CACNA2D3: variants seen among roughly 807,000 people sequenced by gnomAD.
CACNA2D3 encodes the protein voltage-dependent calcium channel subunit alpha-2/delta-3.
Under a neutral mutation model 160.6 loss-of-function variants are expected in CACNA2D3, and 60 were observed. The ratio of observed to expected loss-of-function variants is 0.37; its 90% CI spans 0.30 to 0.46. CACNA2D3 has a LOEUF of 0.46. CACNA2D3 is among the 20% of genes least tolerant of loss of function. The pLI is 1.00. For synonymous variants in CACNA2D3, 558 were observed against 492.9 expected, an observed-to-expected ratio of 1.13 and a Z score of -1.75; for missense variants, 1,205 against 1,365.0, an observed-to-expected ratio of 0.88 and a Z score of 1.85.
At chr3:54,689,866 T>C (rs545006720) in intron 11 of CACNA2D3, among the ~76,000 whole-genome samples, 3 of 152,278 alleles carry the variant, frequency 2.0e-5, no homozygotes, top group East Asian at 1.9e-4. Context: ...TTAAAATGCA[T>C]GTTAGCTCAT....
chr3:54,769,934 G>A (rs990945460), intron 13 of CACNA2D3, among the ~76,000 whole-genome samples: 1 of 152,120 alleles, frequency 6.6e-6, no homozygotes, highest in South Asian at 2.1e-4. Context: ...CTGGGTCAGT[G>A]TCCCCAGAAA....
intron 8 of CACNA2D3, among the ~76,000 whole-genome samples, chr3:54,576,544 G>C (rs1702584926): frequency 6.6e-6 from 1 of 152,222 alleles, no homozygotes; most frequent in South Asian, 2.1e-4. Flanking sequence ...GGAAAGAAAA[G>C]GCATATGATG....
chr3:54,212,274 T>C (rs1356781081), intron 2 of CACNA2D3, among the ~76,000 whole-genome samples: 2 of 152,154 alleles, frequency 1.3e-5, no homozygotes, highest in African/African-American at 4.8e-5. Flanking sequence ...TCAATCAGTA[T>C]CTGTAAGGTG....
At chr3:54,365,118 T>C (rs554452791) in intron 3 of CACNA2D3, among the ~76,000 whole-genome samples, 1 of 152,364 alleles carries the variant, frequency 6.6e-6, no homozygotes, top group East Asian at 1.9e-4. Flanking sequence ...CAATTCACTT[T>C]GTTGAACCAT....
intron 2 of CACNA2D3, among the ~76,000 whole-genome samples, chr3:54,247,480 T>G (rs1206622360): frequency 6.6e-6 from 1 of 152,054 alleles, no homozygotes; most frequent in Non-Finnish European, 1.5e-5. Flanking sequence ...AAAAAATATT[T>G]TAGAAATAAA....
rs549457122 is a variant in CACNA2D3, at chr3:54,592,634, G to T, written c.963+10757G>T. 2.2e-4 allele frequency among the ~76,000 whole-genome samples: 34 copies of T among 151,956 alleles called. 1 individual carries two copies. Among genetic ancestry groups the T allele is most frequent in the African/African-American group, 8.0e-4 (33 of 41,462 alleles). On this transcript the variant is annotated intron_variant, in intron 9 of 37. Coordinates refer to ENST00000474759, the MANE Select transcript of CACNA2D3 (RefSeq NM_018398.3). ...GGGGAGTGTAGGGGAAGAGAGTGAGGAAGGAGAATGATATGATTTTTCTCT... is the reference window on the plus strand; with the variant it reads ...GGGGAGTGTAGGGGAAGAGAGTGAGTAAGGAGAATGATATGATTTTTCTCT...
At chr3:54,822,811 C>CTT (rs1328666117) in intron 14 of CACNA2D3, among the ~76,000 whole-genome samples, 3 of 108,390 alleles carry the variant, frequency 2.8e-5, no homozygotes, top group Admixed American at 9.8e-5. Context: ...TTCTTTCTTT[C>CTT]TTTCTTTCTT....
intron 27 of CACNA2D3, among the ~76,000 whole-genome samples, chr3:54,924,196 C>T (rs1700942187): frequency 6.6e-6 from 1 of 152,134 alleles, no homozygotes; most frequent in African/African-American, 2.4e-5. Flanking sequence ...TTACAGTTGT[C>T]AAATGGGTAG....
chr3:54,964,409 A>AT (rs35654800), intron 27 of CACNA2D3, among the ~76,000 whole-genome samples: 2,300 of 150,214 alleles, frequency 0.015, 58 homozygotes, highest in African/African-American at 0.053. Flanking sequence ...AGGAATGGTG[A>AT]TTTTTTTTTT....
At chr3:54,936,088 C>T (rs1028557463) in intron 27 of CACNA2D3, among the ~76,000 whole-genome samples, 1 of 151,676 alleles carries the variant, frequency 6.6e-6, no homozygotes, top group Non-Finnish European at 1.5e-5. Flanking sequence ...TCTTTAACTT[C>T]GTCATCTGTG....
chr3:54,313,855 C>T (rs1703801782), intron 2 of CACNA2D3, among the ~76,000 whole-genome samples: 1 of 150,474 alleles, frequency 6.6e-6, no homozygotes, highest in Non-Finnish European at 1.5e-5. Flanking sequence ...CTGTTTCCTT[C>T]TCAGAATATC....
chr3:54,216,031 C>T (rs1044318336), intron 2 of CACNA2D3, among the ~76,000 whole-genome samples: 4 of 152,046 alleles, frequency 2.6e-5, no homozygotes, highest in Non-Finnish European at 4.4e-5. Flanking sequence ...GTTGGTCCCC[C>T]GAATTAGGTG....
chr3:54,364,728 T>C (rs1323319019), intron 3 of CACNA2D3, among the ~76,000 whole-genome samples: 1 of 152,224 alleles, frequency 6.6e-6, no homozygotes, highest in East Asian at 1.9e-4. Context: ...TATTACAATA[T>C]AGACCATAAC....
rs73091653 is a variant in CACNA2D3, at chr3:54,487,467, T to C, written c.382-16025T>C. Among the ~76,000 whole-genome samples the C allele has an allele frequency of 5.5e-3, 840 of 152,342 alleles. 3 individuals are homozygous for C. Among genetic ancestry groups the C allele is most frequent in the Non-Finnish European group, 9.4e-3 (639 of 68,030 alleles). ...CTTACTGTCGCTTGGGGACAAGTCC[T>C]GGAGTGGAGACTTCTGCTCTTGGAT... On this transcript the variant is annotated intron_variant, in intron 4 of 37. Coordinates refer to ENST00000474759, the MANE Select transcript of CACNA2D3 (RefSeq NM_018398.3).
intron 13 of CACNA2D3, among the ~76,000 whole-genome samples, chr3:54,810,610 ATGT>A (rs1276615285): frequency 7.0e-4 from 107 of 152,352 alleles, no homozygotes; most frequent in African/African-American, 2.5e-3. Flanking sequence ...GAATAAAGAT[ATGT>A]AGGCCAGGCT....
At chr3:54,235,657 C>T (rs1701859809) in intron 2 of CACNA2D3, among the ~76,000 whole-genome samples, 1 of 152,316 alleles carries the variant, frequency 6.6e-6, no homozygotes, top group East Asian at 1.9e-4. Flanking sequence ...AGCTACAAAC[C>T]ATATCAGCTC....
At chr3:54,253,071 A>G (rs942070773) in intron 2 of CACNA2D3, among the ~76,000 whole-genome samples, 14 of 148,596 alleles carry the variant, frequency 9.4e-5, no homozygotes, top group Non-Finnish European at 1.9e-4. Flanking sequence ...GTCCTTTAAT[A>G]TTAAAGATTC....
chr3:54,899,330 A>G (rs1700272931), intron 26 of CACNA2D3, among the ~76,000 whole-genome samples: 1 of 152,246 alleles, frequency 6.6e-6, no homozygotes, highest in Non-Finnish European at 1.5e-5. Context: ...TTACAATTTT[A>G]TAGATCAGTA....
At chr3:54,620,815 G>A (rs1698969823) in intron 9 of CACNA2D3, among the ~76,000 whole-genome samples, 1 of 152,192 alleles carries the variant, frequency 6.6e-6, no homozygotes, top group South Asian at 2.1e-4. Context: ...GACCTTTCTA[G>A]TGTCCTCGGC....
Sources: allele counts gnomAD v4.1 joint callset (sites outside exome capture counted in the v4.1 genomes callset), GRCh38; gene constraint gnomAD v4.1.1; transcripts MANE v1.5; gene names NCBI Gene and HGNC (gene_info 2026-07-23, HGNC 2026-07-21).